The following CPNE4 variants were observed in gnomAD, a reference collection of about 807,000 sequenced individuals.
The protein encoded by CPNE4 is copine-4.
CPNE4 carries 25 observed loss-of-function variants against 67.9 expected under a neutral mutation model. The observed-to-expected ratio is 0.37, with a 90% CI of 0.27 to 0.51. The LOEUF (loss-of-function observed/expected upper bound fraction) is 0.51, where lower values mean the gene tolerates loss of function less well. CPNE4 is among the 20% of genes least tolerant of loss of function. The pLI is 0.93. For synonymous variants in CPNE4, 242 were observed against 244.9 expected, an observed-to-expected ratio of 0.99 and a Z score of 0.11; for missense variants, 464 against 690.8, an observed-to-expected ratio of 0.67 and a Z score of 3.68.
chr3:131,689,880 T>G (rs1377053544), intron 5 of CPNE4, among the ~76,000 whole-genome samples: 1 of 152,164 alleles, frequency 6.6e-6, no homozygotes, highest in Non-Finnish European at 1.5e-5. Flanking sequence ...AAAGTCAATG[T>G]GCAAAAATCA....
chr3:131,578,798 G>C (rs1484977996), intron 9 of CPNE4, among the ~76,000 whole-genome samples: 3 of 152,164 alleles, frequency 2.0e-5, no homozygotes, highest in African/African-American at 7.2e-5. Flanking sequence ...TCAATTCTAT[G>C]AAGGCTGAGA....
In CPNE4 at chr3:131,924,623, T is replaced by G. The variant is rs984639080; in HGVS notation, c.-1-19179A>C. On this transcript the variant is annotated intron_variant, in intron 1 of 15. Transcript: ENST00000429747. ...GAATGTTGATATTTTTAAAAATTCC[T>G]TAGGCTATTCTAATATGCATCAAAA... Among the ~76,000 whole-genome samples, 7 of 152,306 alleles carry G rather than the reference T, an allele frequency of 4.6e-5. No individual in the cohort carries two copies. In the South Asian group the frequency reaches 6.2e-4, roughly 14 times the overall value.
intron 2 of CPNE4, among the ~76,000 whole-genome samples, chr3:131,781,369 C>T (rs2107855014): frequency 6.6e-6 from 1 of 152,202 alleles, no homozygotes; most frequent in South Asian, 2.1e-4. Context: ...TGGCATAAAT[C>T]TGGCCCCCAT....
At chr3:131,934,448 T>C (rs1005295732) in intron 1 of CPNE4, among the ~76,000 whole-genome samples, 14 of 152,216 alleles carry the variant, frequency 9.2e-5, no homozygotes. Flanking sequence ...AGTTCTGTGA[T>C]ACATGTACAG....
chr3:131,975,990 T>C (rs907040084), intron 1 of CPNE4, among the ~76,000 whole-genome samples: 3 of 151,662 alleles, frequency 2.0e-5, no homozygotes, highest in African/African-American at 7.3e-5. Context: ...TATGCAGTTG[T>C]GACAAAGATT....
intron 2 of CPNE4, among the ~76,000 whole-genome samples, chr3:131,799,003 C>T (rs2083997233): frequency 6.6e-6 from 1 of 151,962 alleles, no homozygotes; most frequent in South Asian, 2.1e-4. Context: ...CTTGCATGTC[C>T]CATAGTCAAT....
At chr3:131,906,752 C>G (rs995848844) in intron 1 of CPNE4, among the ~76,000 whole-genome samples, 1 of 151,650 alleles carries the variant, frequency 6.6e-6, no homozygotes, top group African/African-American at 2.4e-5. Context: ...ATTTATAGTC[C>G]TTTGGGTATA....
intron 2 of CPNE4, among the ~76,000 whole-genome samples, chr3:131,825,834 T>C (rs2085137475): frequency 6.6e-6 from 1 of 152,214 alleles, no homozygotes; most frequent in South Asian, 2.1e-4. Context: ...CATTCTCTCA[T>C]ACCACACAGG....
intron 1 of CPNE4, among the ~76,000 whole-genome samples, chr3:132,023,479 CTTTTTTTTTT>C (rs575505348): frequency 1.2e-4 from 10 of 84,596 alleles, no homozygotes; most frequent in Non-Finnish European, 6.4e-5. Context: ...GCAGATCAGC[CTTTTTTTTTT>C]TTTTTTTTTT....
chr3:131,884,093 G>A (rs549918148), intron 2 of CPNE4, among the ~76,000 whole-genome samples: 1 of 152,182 alleles, frequency 6.6e-6, no homozygotes, highest in African/African-American at 2.4e-5. Flanking sequence ...CATTTATTGT[G>A]TATTTTCTAT....
chr3:131,961,191 A>T lies in CPNE4; in HGVS notation c.-1-55747T>A, dbSNP rs1463428675. On this transcript the variant is annotated intron_variant, in intron 1 of 15. Coordinates refer to ENST00000429747, the MANE Select transcript of CPNE4 (RefSeq NM_130808.3). ...TAAAAAGAAGAAGAAACAGAAAACA[A>T]TTTTATTTAGAGTAACTCCCTCATA... Among the ~76,000 whole-genome samples the T allele has an allele frequency of 2.6e-5, 4 of 152,320 alleles. No homozygotes were observed. The East Asian group carries it at 7.7e-4, about 29-fold the overall frequency.
At chr3:131,656,737 G>A (rs188711721) in intron 7 of CPNE4, among the ~76,000 whole-genome samples, 54 of 152,252 alleles carry the variant, frequency 3.5e-4, no homozygotes, top group African/African-American at 5.1e-4. Context: ...AATAAACAAC[G>A]TAATCACAGA....
intron 7 of CPNE4, among the ~76,000 whole-genome samples, chr3:131,642,515 CA>C (rs1406747050): frequency 1.3e-5 from 2 of 152,190 alleles, no homozygotes; most frequent in Admixed American, 1.3e-4. Context: ...AATCCTAACA[CA>C]ATTTTATGCA....
chr3:131,861,140 T>C (rs567888545), intron 2 of CPNE4, among the ~76,000 whole-genome samples: 2 of 152,354 alleles, frequency 1.3e-5, no homozygotes, highest in South Asian at 4.1e-4. Flanking sequence ...GAGTCAGTAG[T>C]GATTGTCAAA....
chr3:131,543,751 G>A (rs773026285), intron 14 of CPNE4, among the ~76,000 whole-genome samples: 4 of 152,132 alleles, frequency 2.6e-5, no homozygotes, highest in Non-Finnish European at 5.9e-5. Context: ...CCACTGGATG[G>A]CACTAGTCTA....
At chr3:131,674,450 C>T (rs1199310100) in intron 6 of CPNE4, among the ~76,000 whole-genome samples, 1 of 152,048 alleles carries the variant, frequency 6.6e-6, no homozygotes, top group South Asian at 2.1e-4. Context: ...CCATCAGTTT[C>T]CAGGCTTTTC....
At chr3:131,599,997 A>G (rs945731270) in intron 7 of CPNE4, among the ~76,000 whole-genome samples, 1 of 152,150 alleles carries the variant, frequency 6.6e-6, no homozygotes, top group Non-Finnish European at 1.5e-5. Flanking sequence ...GAGCCCCAGG[A>G]ATCCAGTTTT....
intron 2 of CPNE4, among the ~76,000 whole-genome samples, chr3:131,759,342 C>T (rs950825452): frequency 1.2e-4 from 19 of 152,230 alleles, no homozygotes; most frequent in African/African-American, 4.6e-4. Context: ...CCTCATCAGC[C>T]TACTTTAGGA....
intron 3 of CPNE4, among the ~76,000 whole-genome samples, chr3:131,702,377 C>T (rs1172703165): frequency 6.6e-6 from 1 of 152,150 alleles, no homozygotes; most frequent in African/African-American, 2.4e-5. Flanking sequence ...AATGTCTAAC[C>T]TCACGGAGCT....
Sources: gnomAD v4.1 joint callset for allele counts (sites outside exome capture counted in the v4.1 genomes callset) on GRCh38, gnomAD v4.1.1 for gene constraint, MANE v1.5 for transcripts, NCBI Gene and HGNC (gene_info 2026-07-23, HGNC 2026-07-21) for gene names.